UPRT: variants seen among roughly 807,000 people sequenced by gnomAD.
UPRT encodes RP11-311P8.3.
UPRT carries 5 observed loss-of-function variants against 22.6 expected under a neutral mutation model. That is an observed-to-expected ratio of 0.22 (90% CI 0.12 to 0.47). UPRT has a LOEUF of 0.47. UPRT is among the 20% of genes least tolerant of loss of function. UPRT has a pLI of 0.99. For synonymous variants in UPRT, 77 were observed against 87.7 expected, an observed-to-expected ratio of 0.88 and a Z score of 0.68; for missense variants, 181 against 239.9, an observed-to-expected ratio of 0.75 and a Z score of 1.62.
At chrX:75,165,722 T>G (rs2082211346) in intron 3 of UPRT, among the ~76,000 whole-genome samples, 1 of 111,935 alleles carries the variant, frequency 8.9e-6, no homozygotes, top group African/African-American at 3.2e-5. Context: ...TTTAAAAGTT[T>G]AATGATTTTT....
intron 4 of UPRT, among the ~76,000 whole-genome samples, chrX:75,256,963 C>T (rs976862165): frequency 2.7e-5 from 3 of 111,741 alleles, no homozygotes; most frequent in African/African-American, 9.8e-5. Context: ...GCGACCAATC[C>T]TACTGACACT....
intron 4 of UPRT, among the ~76,000 whole-genome samples, chrX:75,260,672 C>A (rs2082564868): frequency 1.8e-5 from 2 of 111,894 alleles, no homozygotes; most frequent in South Asian, 7.5e-4. Flanking sequence ...TAACACTCCA[C>A]TGTCAACATT....
At chrX:75,161,316 G>T (rs987979878) in intron 2 of UPRT, among the ~76,000 whole-genome samples, 1 of 112,914 alleles carries the variant, frequency 8.9e-6, no homozygotes, top group Middle Eastern at 4.2e-3. Flanking sequence ...TCCAAATCCA[G>T]AAGGTCTGAT....
intron 4 of UPRT, among the ~76,000 whole-genome samples, chrX:75,207,935 G>A (rs1250436925): frequency 1.8e-5 from 2 of 111,470 alleles, no homozygotes; most frequent in Non-Finnish European, 3.8e-5. Context: ...GACCATTTTA[G>A]GCACTTTTTC....
At chrX:75,276,315 A>G (rs762935187) in intron 1 of UPRT, among the ~76,000 whole-genome samples, 1 of 111,962 alleles carries the variant, frequency 8.9e-6, no homozygotes, top group South Asian at 3.7e-4. Flanking sequence ...AATCTTTTAC[A>G]TTTTTGAATG....
chrX:75,245,497 T>A (rs1166995304), intron 4 of UPRT, among the ~76,000 whole-genome samples: 1 of 109,333 alleles, frequency 9.1e-6, no homozygotes, highest in African/African-American at 3.3e-5. Flanking sequence ...CAAATTTATG[T>A]TCACTGCAGC....
chrX:75,236,222 C>T (rs768598202), intron 4 of UPRT, among the ~76,000 whole-genome samples: 147 of 111,070 alleles, frequency 1.3e-3, no homozygotes, highest in Non-Finnish European at 2.3e-3. Context: ...AATAAAATAC[C>T]GAGGAATCCA....
At chrX:75,221,067 G>T (rs2082408753) in intron 4 of UPRT, among the ~76,000 whole-genome samples, 1 of 111,658 alleles carries the variant, frequency 9.0e-6, no homozygotes, top group Admixed American at 9.5e-5. Context: ...ACATTTAAAA[G>T]ACATTTTTAT....
chrX:75,181,021 C>CT (rs973587493), intron 4 of UPRT, among the ~76,000 whole-genome samples: 4 of 110,468 alleles, frequency 3.6e-5, no homozygotes, highest in African/African-American at 9.9e-5. Context: ...TTCAATCCAT[C>CT]TTTTTTTGTA....
chrX:75,192,442 T>G (rs1186650793), intron 4 of UPRT, among the ~76,000 whole-genome samples: 1 of 111,566 alleles, frequency 9.0e-6, no homozygotes, highest in Non-Finnish European at 1.9e-5. Flanking sequence ...TTCCGTTGTT[T>G]TTGGGTGGAG....
intron 1 of UPRT, among the ~76,000 whole-genome samples, chrX:75,159,478 A>G (rs2082192592): frequency 8.9e-6 from 1 of 112,270 alleles, no homozygotes; most frequent in Non-Finnish European, 1.9e-5. Flanking sequence ...AACAATATGT[A>G]CAGCTATTAC....
At chrX:75,269,592 A>G (rs1468986354), upstream of UPRT, among the ~76,000 whole-genome samples, 1 of 111,829 alleles carries the variant, frequency 8.9e-6, no homozygotes, top group East Asian at 2.8e-4. Flanking sequence ...GGCCTCAGAA[A>G]TAACACCATA....
At chrX:75,237,055 A>T (rs1202485779) in intron 4 of UPRT, among the ~76,000 whole-genome samples, 9 of 112,272 alleles carry the variant, frequency 8.0e-5, no homozygotes, top group Non-Finnish European at 1.7e-4. Flanking sequence ...CTCATCTGAC[A>T]AAGGGCTAAT....
chrX:75,182,761 GTC>G (rs2082275024), intron 4 of UPRT, among the ~76,000 whole-genome samples: 1 of 111,237 alleles, frequency 9.0e-6, no homozygotes, highest in Non-Finnish European at 1.9e-5. Flanking sequence ...CTGGCTAGCA[GTC>G]TATCTACTGC....
At position 75,274,924 on chromosome X, in the gene UPRT, G is replaced by A. The variant is rs1391162260; in HGVS notation, c.386+284G>A. On this transcript the variant is annotated intron_variant, in intron 1 of 6. Transcript: ENST00000373383. ...CCTCTGGGCTCTTTGTCTCTCCCAG[G>A]AAAGACAACTCCTTGGCCATTCCAG... Among the ~76,000 whole-genome samples the A allele has an allele frequency of 5.5e-5, 6 of 109,134 alleles. No individual in the cohort carries two copies. In the Admixed American group the frequency reaches 5.9e-4, roughly 11 times the overall value. The allele number at this position is 109,134 out of a possible 115,157, so 94.8% of individuals were successfully genotyped here.
intron 4 of UPRT, among the ~76,000 whole-genome samples, chrX:75,197,300 A>G (rs2082335575): frequency 1.8e-5 from 2 of 111,927 alleles, no homozygotes; most frequent in South Asian, 7.4e-4. Flanking sequence ...TGACTTAAAG[A>G]ATCAACACAG....
intron 4 of UPRT, among the ~76,000 whole-genome samples, chrX:75,298,290 C>A (rs1468408545): frequency 1.8e-5 from 2 of 110,582 alleles, no homozygotes; most frequent in African/African-American, 6.6e-5. Context: ...CCATACCCAA[C>A]CTAATACTTT....
chrX:75,241,646 T>C (rs993272778), intron 4 of UPRT, among the ~76,000 whole-genome samples: 2 of 111,714 alleles, frequency 1.8e-5, no homozygotes, highest in African/African-American at 6.5e-5. Context: ...CAGCACAATT[T>C]ACAATTGCAA....
intron 4 of UPRT, among the ~76,000 whole-genome samples, chrX:75,199,995 T>C (rs2082343351): frequency 8.9e-6 from 1 of 112,254 alleles, no homozygotes; most frequent in Admixed American, 9.4e-5. Context: ...GAGAAGTGTC[T>C]GTTCATATCT....
Sources: allele counts gnomAD v4.1 joint callset (sites outside exome capture counted in the v4.1 genomes callset), GRCh38; gene constraint gnomAD v4.1.1; transcripts MANE v1.5; gene names NCBI Gene and HGNC (gene_info 2026-07-23, HGNC 2026-07-21).